The following TASP1 variants were observed in gnomAD, a reference collection of about 807,000 sequenced individuals.
TASP1 encodes threonine aspartase 1.
In TASP1, 16 loss-of-function variants were observed where a neutral mutation model predicts 56.6. That is an observed-to-expected ratio of 0.28 (90% CI 0.19 to 0.43). TASP1 has a LOEUF of 0.43. Among genes scored for constraint, TASP1 ranks in the 20% least tolerant of loss-of-function variants. TASP1 has a pLI of 1.00. For missense variants in TASP1, 393 were observed against 511.6 expected, an observed-to-expected ratio of 0.77 and a Z score of 2.24; for synonymous variants, 179 against 184.2, an observed-to-expected ratio of 0.97 and a Z score of 0.23.
the TASP1 span, among the ~76,000 whole-genome samples, chr20:13,326,145 T>A: frequency 1.3e-5 from 2 of 152,222 alleles, no homozygotes; most frequent in Non-Finnish European, 1.5e-5. Context: ...GTGTCAGCAG[T>A]TTATTCTTTT....
At chr20:13,617,366 A>G (rs2048558592) in intron 4 of TASP1, among the ~76,000 whole-genome samples, 1 of 152,220 alleles carries the variant, frequency 6.6e-6, no homozygotes, top group Admixed American at 6.5e-5. Context: ...TAAATCTTCT[A>G]CTTCACATAC....
chr20:13,415,444 CTTTTTT>C (rs368921864), intron 13 of TASP1, among the ~76,000 whole-genome samples: 31 of 133,044 alleles, frequency 2.3e-4, no homozygotes, highest in Admixed American at 3.8e-4. Context: ...TTGGGGTTTT[CTTTTTT>C]TTTTTTTTTT....
chr20:13,334,327 C>A, the TASP1 span, among the ~76,000 whole-genome samples: 1 of 152,258 alleles, frequency 6.6e-6, no homozygotes, highest in East Asian at 1.9e-4. Context: ...GAAGATGGCA[C>A]CTGAATTACA....
chr20:13,405,284 T>C (rs911326717), intron 13 of TASP1, among the ~76,000 whole-genome samples: 2 of 152,250 alleles, frequency 1.3e-5, no homozygotes, highest in Non-Finnish European at 2.9e-5. Context: ...TATACTTAAT[T>C]AAAGTTTAAA....
chr20:13,209,118 T>A, the TASP1 span, among the ~76,000 whole-genome samples: 5 of 152,180 alleles, frequency 3.3e-5, no homozygotes, highest in Admixed American at 6.5e-5. Flanking sequence ...CCCCATGAAG[T>A]TGTTGTTCTT....
the TASP1 span, among the ~76,000 whole-genome samples, chr20:13,317,851 CAT>C: frequency 6.6e-6 from 1 of 151,874 alleles, no homozygotes; most frequent in East Asian, 1.9e-4. Context: ...TAGAAGATAA[CAT>C]AGGAGAAAAT....
chr20:13,269,251 T>G, the TASP1 span, among the ~76,000 whole-genome samples: 1 of 152,152 alleles, frequency 6.6e-6, no homozygotes, highest in East Asian at 1.9e-4. Flanking sequence ...ATGCTATCCC[T>G]GAAGGCTGGA....
chr20:13,472,730 A>C (rs1304806724), intron 11 of TASP1, among the ~76,000 whole-genome samples: 1 of 151,312 alleles, frequency 6.6e-6, no homozygotes, highest in African/African-American at 2.4e-5. Flanking sequence ...AGACACATGA[A>C]AAAATGCTCA....
the TASP1 span, among the ~76,000 whole-genome samples, chr20:13,220,794 G>T: frequency 6.6e-6 from 1 of 152,196 alleles, no homozygotes; most frequent in Non-Finnish European, 1.5e-5. Context: ...GCAGGCAGAC[G>T]CATGGCTTGT....
At chr20:13,563,703 C>CTA (rs2147100657) in intron 7 of TASP1, among the ~76,000 whole-genome samples, 1 of 149,482 alleles carries the variant, frequency 6.7e-6, no homozygotes, top group African/African-American at 2.5e-5. Context: ...CAGGGCCTCA[C>CTA]TATGTTGCCC....
intron 8 of TASP1, among the ~76,000 whole-genome samples, chr20:13,545,591 A>G (rs1013359689): frequency 6.6e-6 from 1 of 152,194 alleles, no homozygotes; most frequent in Non-Finnish European, 1.5e-5. Flanking sequence ...AGGAATTACA[A>G]GCTGCAAAAA....
chr20:13,311,243 TGATAGATAGATAGATAGATA>T, the TASP1 span, among the ~76,000 whole-genome samples: 1 of 127,860 alleles, frequency 7.8e-6, no homozygotes, highest in African/African-American at 3.0e-5. Context: ...GATAGATAGA[TGATAGATAGATAGATAGATA>T]GATAGATAGA....
the TASP1 span, among the ~76,000 whole-genome samples, chr20:13,331,992 C>T: frequency 5.9e-5 from 9 of 152,120 alleles, no homozygotes; most frequent in South Asian, 1.0e-3. Flanking sequence ...TTTTAATGTT[C>T]GGTCTCATTG....
the TASP1 span, among the ~76,000 whole-genome samples, chr20:13,193,443 A>G: frequency 6.6e-5 from 10 of 152,206 alleles, no homozygotes; most frequent in African/African-American, 2.2e-4. Context: ...AAAAAGGACT[A>G]AGTCACTGAC....
the TASP1 span, among the ~76,000 whole-genome samples, chr20:13,274,677 C>G: frequency 9.3e-5 from 14 of 151,166 alleles, no homozygotes; most frequent in African/African-American, 1.5e-4. Flanking sequence ...CCCGCCCCCC[C>G]CGCGCCCGGC....
At chr20:13,530,582 C>A (rs1265086016) in intron 9 of TASP1, among the ~76,000 whole-genome samples, 1 of 152,166 alleles carries the variant, frequency 6.6e-6, no homozygotes, top group Non-Finnish European at 1.5e-5. Flanking sequence ...TTAACATGAC[C>A]AGTAGCCTGC....
intron 7 of TASP1, among the ~76,000 whole-genome samples, chr20:13,566,181 G>C (rs551583294): frequency 1.3e-5 from 2 of 152,080 alleles, no homozygotes; most frequent in African/African-American, 4.8e-5. Flanking sequence ...AGGCACATGG[G>C]GAGTTACTGC....
intron 4 of TASP1, among the ~76,000 whole-genome samples, chr20:13,622,388 T>C (rs2048747480): frequency 6.6e-6 from 1 of 152,162 alleles, no homozygotes; most frequent in Non-Finnish European, 1.5e-5. Flanking sequence ...TCAGATTCAA[T>C]AGAACTAGGT....
In TASP1 at chr20:13,637,810, T is replaced by C. The variant is rs150874740; in HGVS notation, c.-75+1084A>G. Among the ~76,000 whole-genome samples the C allele has an allele frequency of 1.7e-3, 253 of 152,336 alleles. 1 individual carries two copies. Among genetic ancestry groups the C allele is most frequent in the Non-Finnish European group, 2.1e-3 (142 of 68,032 alleles). On this transcript the variant is annotated intron_variant, in intron 1 of 13. Coordinates refer to ENST00000337743, the MANE Select transcript of TASP1 (RefSeq NM_017714.3). ...GTGATGAAAATGTTCTGAAAGTAGA[T>C]AGTGGTGATGGGTGCACAACTTTGC...
Sources: allele counts gnomAD v4.1 joint callset (sites outside exome capture counted in the v4.1 genomes callset), GRCh38; gene constraint gnomAD v4.1.1; transcripts MANE v1.5; gene names NCBI Gene and HGNC (gene_info 2026-07-23, HGNC 2026-07-21).